Variants in CSMD1 observed in about 807,000 individuals in gnomAD.
CSMD1 encodes CUB and sushi domain-containing protein 1.
A neutral mutation model predicts 417.5 loss-of-function variants in CSMD1; 213 were observed. That is an observed-to-expected ratio of 0.51 (90% confidence interval 0.46 to 0.57). The LOEUF is 0.57. Ranked by LOEUF, CSMD1 falls within the 20% of genes least tolerant of loss-of-function variation. CSMD1 has a pLI of 0.00. For synonymous variants in CSMD1, 2,862 were observed against 1,736.8 expected, an observed-to-expected ratio of 1.65 and a Z score of -16.11; for missense variants, 6,923 against 4,529.7, an observed-to-expected ratio of 1.53 and a Z score of -15.17.
At chr8:3,534,534 AAG>A (rs1554458910) in intron 10 of CSMD1, among the ~76,000 whole-genome samples, 5 of 152,006 alleles carry the variant, frequency 3.3e-5, no homozygotes, top group Non-Finnish European at 5.9e-5. Flanking sequence ...AAAAAAAAAA[AAG>A]AAAAACTTTT....
At chr8:4,317,285 G>T (rs1341067398) in intron 3 of CSMD1, among the ~76,000 whole-genome samples, 1 of 152,184 alleles carries the variant, frequency 6.6e-6, no homozygotes, top group Admixed American at 6.6e-5. Context: ...AAAGCTGAAA[G>T]CACTGGTGTG....
At chr8:3,814,716 A>G (rs1801280302) in intron 5 of CSMD1, among the ~76,000 whole-genome samples, 1 of 152,170 alleles carries the variant, frequency 6.6e-6, no homozygotes, top group African/African-American at 2.4e-5. Context: ...CTGATTCTGA[A>G]GTAGAAATCT....
intron 5 of CSMD1, among the ~76,000 whole-genome samples, chr8:3,839,623 G>C (rs1204806461): frequency 7.3e-6 from 1 of 137,016 alleles, no homozygotes; most frequent in Non-Finnish European, 1.5e-5. Context: ...CTGCACTCCA[G>C]CCTGGGCAAC....
At chr8:4,661,313 C>T (rs973372416) in intron 1 of CSMD1, among the ~76,000 whole-genome samples, 3 of 152,148 alleles carry the variant, frequency 2.0e-5, no homozygotes, top group Non-Finnish European at 2.9e-5. Context: ...CAAATAAAAA[C>T]AGACTGCTGA....
intron 3 of CSMD1, among the ~76,000 whole-genome samples, chr8:4,125,629 G>T (rs553533969): frequency 6.6e-6 from 1 of 152,224 alleles, no homozygotes; most frequent in Non-Finnish European, 1.5e-5. Context: ...GTCAGTGACA[G>T]AAATCAGACC....
chr8:4,446,953 T>C (rs1427794240), intron 2 of CSMD1, among the ~76,000 whole-genome samples: 2 of 148,322 alleles, frequency 1.3e-5, no homozygotes, highest in East Asian at 2.0e-4. Context: ...AAAAAAAACA[T>C]TGGCCCTACA....
intron 1 of CSMD1, among the ~76,000 whole-genome samples, chr8:4,655,659 G>C (rs1804186497): frequency 6.6e-6 from 1 of 152,014 alleles, no homozygotes; most frequent in Admixed American, 6.5e-5. Flanking sequence ...TAATCATTTA[G>C]ATGAAAAGTC....
chr8:4,369,689 G>T (rs186443946), intron 3 of CSMD1, among the ~76,000 whole-genome samples: 9 of 152,094 alleles, frequency 5.9e-5, no homozygotes, highest in African/African-American at 1.9e-4. Context: ...TTATCATTAC[G>T]TAATGCCCTT....
chr8:4,988,515 C>T (rs1435183891), intron 1 of CSMD1, among the ~76,000 whole-genome samples: 1 of 152,128 alleles, frequency 6.6e-6, no homozygotes, highest in Admixed American at 6.5e-5. Context: ...TAAATGTTGC[C>T]ACCGTAGGTC....
Position 4,180,433 on chromosome 8 carries a change from G to A in CSMD1, c.416-148334C>T, listed in dbSNP as rs937224894. 3.1e-5 allele frequency among the ~76,000 whole-genome samples: 4 copies of A among 127,196 alleles called. No individual in the cohort carries two copies. In the East Asian group the frequency reaches 8.1e-4, roughly 26 times the overall value. 83.4% of individuals were successfully genotyped at this position (127,196 alleles called of 152,430 possible). A position where few individuals can be genotyped will look rare whatever the true frequency, so the allele number is the denominator to read the frequency against. On this transcript the variant is annotated intron_variant, in intron 3 of 69. Transcript: ENST00000635120. ...CACACTCTGGGGACTGCTGTGGGGTGGGGGGAGGGGGGAGGGATAGCATTA... is the reference window on the plus strand; with the variant it reads ...CACACTCTGGGGACTGCTGTGGGGTAGGGGGAGGGGGGAGGGATAGCATTA...
intron 5 of CSMD1, among the ~76,000 whole-genome samples, chr8:3,810,220 G>C (rs943673757): frequency 1.3e-5 from 2 of 152,166 alleles, no homozygotes; most frequent in African/African-American, 4.8e-5. Context: ...GTCTTTGACA[G>C]TATAGAGAAG....
Position 3,109,956 on chromosome 8 carries a change from T to C in CSMD1, c.6608+202A>G, listed in dbSNP as rs546902223. Among the ~76,000 whole-genome samples the C allele has an allele frequency of 2.4e-4, 36 of 152,196 alleles. No individual in the cohort carries two copies. The Middle Eastern group carries it at 0.01, about 43-fold the overall frequency. On this transcript the variant is annotated intron_variant, in intron 43 of 69. Transcript: ENST00000635120. ...AGATGCAGACACACAGACATAATTC[T>C]GCCTATTTCTACCATGTAGCAAAAC...
chr8:3,895,874 G>A (rs531591120), intron 5 of CSMD1, among the ~76,000 whole-genome samples: 3 of 152,282 alleles, frequency 2.0e-5, no homozygotes, highest in African/African-American at 7.2e-5. Flanking sequence ...GGAATAGTCA[G>A]GTTAACCTCA....
chr8:3,707,928 C>G (rs1801266445), intron 7 of CSMD1, among the ~76,000 whole-genome samples: 2 of 152,146 alleles, frequency 1.3e-5, no homozygotes, highest in South Asian at 4.1e-4. Context: ...CAAAAGTCAT[C>G]AGCCAGACAT....
intron 12 of CSMD1, among the ~76,000 whole-genome samples, chr8:3,465,656 T>C (rs1404417943): frequency 1.3e-5 from 2 of 152,212 alleles, no homozygotes; most frequent in African/African-American, 2.4e-5. Context: ...ACTCAGGCTA[T>C]TCCTGATTTC....
chr8:3,554,101 T>G (rs1190206148), intron 10 of CSMD1, among the ~76,000 whole-genome samples: 2 of 152,268 alleles, frequency 1.3e-5, no homozygotes, highest in African/African-American at 4.8e-5. Flanking sequence ...TCTTCATGAC[T>G]GTATTTAATG....
intron 2 of CSMD1, 84 bp from the exon 3 acceptor site, chr8:4,420,149 T>C: frequency 6.8e-6 from 6 of 876,222 alleles, no homozygotes; most frequent in Non-Finnish European, 9.1e-6. Flanking sequence ...ACTGAATAAC[T>C]TGAACAGTGG....
intron 5 of CSMD1, among the ~76,000 whole-genome samples, chr8:3,778,352 G>T (rs1028795153): frequency 5.9e-5 from 9 of 152,178 alleles, no homozygotes; most frequent in African/African-American, 1.4e-4. Flanking sequence ...GTAATCACCA[G>T]CTGTCTGGAA....
intron 50 of CSMD1, among the ~76,000 whole-genome samples, chr8:3,034,140 C>T (rs1810517725): frequency 6.6e-6 from 1 of 152,206 alleles, no homozygotes; most frequent in Non-Finnish European, 1.5e-5. Flanking sequence ...CCTATTTACT[C>T]AAATAAACTC....
Sources: allele counts gnomAD v4.1 joint callset (sites outside exome capture counted in the v4.1 genomes callset), GRCh38; gene constraint gnomAD v4.1.1; transcripts MANE v1.5; gene names NCBI Gene and HGNC (gene_info 2026-07-23, HGNC 2026-07-21).